CDC23: variants seen among roughly 807,000 people sequenced by gnomAD.
The protein encoded by CDC23 is cell division cycle protein 23 homolog.
Under a neutral mutation model 81.7 loss-of-function variants are expected in CDC23, and 26 were observed. The ratio of observed to expected loss-of-function variants is 0.32; its 90% confidence interval spans 0.23 to 0.44. The LOEUF (loss-of-function observed/expected upper bound fraction) is 0.44. Among genes scored for constraint, CDC23 ranks in the 20% least tolerant of loss-of-function variants. The pLI, the probability that CDC23 is intolerant of heterozygous loss-of-function variation, is 1.00. For missense variants in CDC23, 519 were observed against 728.0 expected (o/e 0.71, Z 3.30); for synonymous variants, 267 against 270.8 (o/e 0.99, Z 0.14).
rs753686505 is a variant in CDC23 at position 138,198,795 on chromosome 5, G to A, written c.655-13C>T. 6.2e-7 allele frequency: 1 copy of A among 1,612,480 alleles called. No homozygotes were observed. Among genetic ancestry groups the A allele is most frequent in the Admixed American group, 1.7e-5 (1 of 59,778 alleles). The stretch of plus-strand genomic sequence containing the variant: ...ACAGGAACTTCAGCTGGCAGCAGGA[G>A]AGAGAGGGACACACTTAATATAACT... On this transcript the variant is annotated splice_polypyrimidine_tract_variant and intron_variant, in intron 6 of 15. Transcript: ENST00000394886.
rs1217532335 is a variant in CDC23, at chr5:138,200,777, A to G, written c.654+330T>C. The G allele has an allele frequency of 6.4e-5, 13 of 204,210 alleles. No individual in the cohort carries two copies. The South Asian group carries it at 1.2e-3, about 19-fold the overall frequency. 12.6% of individuals were successfully genotyped at this position (204,210 alleles called of 1,614,324 possible). On this transcript the variant is annotated intron_variant, in intron 6 of 15. Coordinates refer to ENST00000394886, the MANE Select transcript of CDC23 (RefSeq NM_004661.4). Reference sequence around the variant, plus strand: ...AGAGGTTGCCGTGAGCCAAGATCGCACCACTGCACTCCAGCCTAGATGAAA... The same window carrying G: ...AGAGGTTGCCGTGAGCCAAGATCGCGCCACTGCACTCCAGCCTAGATGAAA...
intron 3 of CDC23, among the ~76,000 whole-genome samples, chr5:138,202,841 T>G (rs1157458433): frequency 6.6e-6 from 1 of 152,164 alleles, no homozygotes; most frequent in East Asian, 1.9e-4. Context: ...TAGTAAAGAT[T>G]GCTTCAGATA....
Position 138,194,711 on chromosome 5 carries a change from T to A in CDC23, c.1013-2054A>T, listed in dbSNP as rs535871558. 1.1e-4 allele frequency among the ~76,000 whole-genome samples: 16 copies of A among 151,620 alleles called. No individual in the cohort carries two copies. In the East Asian group the frequency reaches 3.1e-3, roughly 29 times the overall value. The stretch of plus-strand genomic sequence containing the variant: ...TACCTCAATAAAACTATGTGTTTTT[T>A]TGGTGTCTTTTTTTTTTTTTTTTTT... On this transcript the variant is annotated intron_variant, in intron 9 of 15. Coordinates refer to ENST00000394886, the MANE Select transcript of CDC23 (RefSeq NM_004661.4).
intron 12 of CDC23, 53 bp from the exon 13 acceptor site, chr5:138,191,588 A>C (rs1159094757): frequency 6.6e-7 from 1 of 1,523,218 alleles, no homozygotes; most frequent in Non-Finnish European, 9.1e-7. Flanking sequence ...TGTCACAACT[A>C]AATCATATGA....
chr5:138,207,477 G>C (rs1755064376), intron 2 of CDC23, among the ~76,000 whole-genome samples: 1 of 152,084 alleles, frequency 6.6e-6, no homozygotes, highest in Non-Finnish European at 1.5e-5. Context: ...AAAATATCCA[G>C]CATTAATACT....
rs373539647 is a variant in CDC23 at position 138,189,618 on chromosome 5, A to G, written c.1623+15T>C. ...GCCTAAAATTCAAACCTTTTATTAA[A>G]GAACTGATACTCACATCATTAAATG... is the stretch of plus-strand genomic sequence containing the variant. On this transcript the variant is annotated intron_variant, in intron 15 of 15. Transcript: ENST00000394886. 1.2e-5 allele frequency: 20 copies of G among 1,603,124 alleles called. No homozygotes were observed. Among genetic ancestry groups the G allele is most frequent in the Non-Finnish European group, 1.7e-5 (20 of 1,175,058 alleles).
At position 138,192,331 on chromosome 5, in the gene CDC23, G is replaced by T. The variant is rs556775699; in HGVS notation, c.1224C>A (p.Thr408=). 1 of 1,614,192 alleles carries T rather than the reference G, an allele frequency of 6.2e-7. No individual in the cohort carries two copies. Among genetic ancestry groups the T allele is most frequent in the South Asian group, 1.1e-5 (1 of 91,086 alleles). The change falls in exon 11 of 16, where the codon ACC becomes ACA. Residue 408 remains threonine, a synonymous_variant. Transcript: ENST00000394886. ...AAAATGGCATCTTAAGGATTTCATA[G>T]GTCTGCCCGAGGCCATACCAAGCTC... The part of the protein sequence containing the change: ...DYRAWYGLGQ[T]YEILKMPFYC...
chr5:138,191,182 CTCGGCT>C (rs1754823114), intron 13 of CDC23, among the ~76,000 whole-genome samples: 1 of 152,038 alleles, frequency 6.6e-6, no homozygotes. Flanking sequence ...ATGGCGCGAT[CTCGGCT>C]CACTGCAACC....
In CDC23 at chr5:138,197,497, T is replaced by TTA. The variant is rs1330127036; in HGVS notation, c.1012+701_1012+702insTA. Among the ~76,000 whole-genome samples, 51 of 144,942 alleles carry TTA rather than the reference T, an allele frequency of 3.5e-4. 1 individual carries two copies. Among genetic ancestry groups the TTA allele is most frequent in the Non-Finnish European group, 7.0e-4 (46 of 66,060 alleles). ...GACGTAACATGTAATACATATTTATTTTTTTTTTTTTTTTTTTGAGACGGA... is the reference window on the plus strand; with the variant it reads ...GACGTAACATGTAATACATATTTATTTATTTTTTTTTTTTTTTTTGAGACGGA... On this transcript the variant is annotated intron_variant, in intron 9 of 15. Coordinates refer to ENST00000394886, the MANE Select transcript of CDC23 (RefSeq NM_004661.4).
At chr5:138,210,867 C>T (rs936948193) in intron 2 of CDC23, among the ~76,000 whole-genome samples, 3 of 152,148 alleles carry the variant, frequency 2.0e-5, no homozygotes, top group African/African-American at 7.2e-5. Context: ...TTTATTTACT[C>T]ATTCAATAGT....
intron 9 of CDC23, among the ~76,000 whole-genome samples, chr5:138,196,995 G>A (rs1204609604): frequency 6.9e-6 from 1 of 144,844 alleles, no homozygotes; most frequent in Admixed American, 7.1e-5. Context: ...GCCATCTCCT[G>A]CCTCAACCTC....
intron 3 of CDC23, among the ~76,000 whole-genome samples, chr5:138,203,817 G>A (rs866284998): frequency 2.6e-5 from 4 of 152,126 alleles, no homozygotes; most frequent in South Asian, 2.1e-4. Context: ...GGAGGCTGAG[G>A]CTAGAGAATC....
intron 9 of CDC23, among the ~76,000 whole-genome samples, 193 bp from the exon 10 acceptor site, chr5:138,192,850 A>T (rs541103348): frequency 1.6e-4 from 23 of 147,814 alleles, no homozygotes; most frequent in African/African-American, 4.4e-4. Flanking sequence ...CATTCCGGTT[A>T]AAAAAAAAAG....
chr5:138,192,466 C>T (rs2126579567), intron 10 of CDC23, 38 bp downstream of exon 10: 1 of 1,613,254 alleles, frequency 6.2e-7, no homozygotes, highest in East Asian at 2.2e-5. Flanking sequence ...CTCCTAACCA[C>T]AGCAATCTGC....
intron 4 of CDC23, 71 bp downstream of exon 4, chr5:138,202,042 C>G: frequency 9.4e-7 from 1 of 1,060,266 alleles, no homozygotes; most frequent in Non-Finnish European, 1.4e-6. Flanking sequence ...TATTACCTGC[C>G]TGGCTGTTGG....
At chr5:138,212,054 G>C (rs1016329053) in intron 2 of CDC23, among the ~76,000 whole-genome samples, 2 of 152,160 alleles carry the variant, frequency 1.3e-5, no homozygotes, top group African/African-American at 4.8e-5. Flanking sequence ...CCACATTGGT[G>C]CTGCTAATAA....
chr5:138,190,857 C>T (rs1280125555), intron 13 of CDC23, among the ~76,000 whole-genome samples: 1 of 142,084 alleles, frequency 7.0e-6, no homozygotes, highest in Non-Finnish European at 1.5e-5. Context: ...CAGCAAGATC[C>T]TATCTATAAA....
intron 2 of CDC23, among the ~76,000 whole-genome samples, chr5:138,211,935 A>C (rs1408525049): frequency 6.6e-6 from 1 of 152,224 alleles, no homozygotes; most frequent in East Asian, 1.9e-4. Context: ...AATTTACCTA[A>C]GAGTATACCG....
chr5:138,187,676 C>A lies in CDC23; in HGVS notation c.*1302G>T, dbSNP rs185083015. The A allele has an allele frequency of 1.5e-4, 45 of 304,718 alleles. No individual in the cohort carries two copies. The highest frequency in any genetic ancestry group is 9.3e-4 in the African/African-American group (43 of 46,104). 18.9% of individuals were successfully genotyped at this position (304,718 alleles called of 1,614,324 possible). A position where few individuals can be genotyped will look rare whatever the true frequency, so the allele number is the denominator to read the frequency against. ...TATTGTTCACATTTTTTATTGAATT[C>A]CAAATGTAGCAAAATCATTAAAACA... On this transcript the variant is annotated 3_prime_UTR_variant, in exon 16 of 16. Transcript: ENST00000394886.
Sources: gnomAD v4.1 joint callset for allele counts (sites outside exome capture counted in the v4.1 genomes callset) on GRCh38, gnomAD v4.1.1 for gene constraint, MANE v1.5 for transcripts, NCBI Gene and HGNC (gene_info 2026-07-23, HGNC 2026-07-21) for gene names.